The following RBFOX1 variants were observed in gnomAD, a reference collection of about 807,000 sequenced individuals.
RBFOX1 encodes RNA binding fox-1 homolog 1.
RBFOX1 carries 8 observed loss-of-function variants against 57.7 expected under a neutral mutation model. The observed-to-expected ratio is 0.14, with a 90% CI of 0.08 to 0.25. The LOEUF is 0.25. RBFOX1 is among the 10% of genes least tolerant of loss of function. The pLI is 1.00. For missense variants in RBFOX1, 611 were observed against 548.5 expected (o/e 1.11, Z -1.14); for synonymous variants, 326 against 222.4 (o/e 1.47, Z -4.15).
chr16:5,484,026 CTGGGCA>C (rs1455928631), intron 2 of RBFOX1, among the ~76,000 whole-genome samples: 1 of 152,118 alleles, frequency 6.6e-6, no homozygotes, highest in African/African-American at 2.4e-5. Flanking sequence ...AAATAAACAG[CTGGGCA>C]TGGTGGTGTG....
intron 4 of RBFOX1, among the ~76,000 whole-genome samples, chr16:7,290,248 C>G (rs2095741516): frequency 6.6e-6 from 1 of 152,116 alleles, no homozygotes; most frequent in African/African-American, 2.4e-5. Context: ...TTGATGAACA[C>G]CAATATTTGA....
At chr16:6,302,536 T>A (rs2078937520) in intron 1 of RBFOX1, among the ~76,000 whole-genome samples, 1 of 152,212 alleles carries the variant, frequency 6.6e-6, no homozygotes. Flanking sequence ...GAATGTGTCA[T>A]ACTGAGAGGC....
At chr16:6,343,660 A>C (rs1476857482) in intron 2 of RBFOX1, among the ~76,000 whole-genome samples, 3 of 152,334 alleles carry the variant, frequency 2.0e-5, no homozygotes, top group African/African-American at 7.2e-5. Context: ...GTTTTTAAAA[A>C]GTGTTTTTTG....
At chr16:5,801,967 G>T (rs113459653) in intron 3 of RBFOX1, among the ~76,000 whole-genome samples, 1 of 152,126 alleles carries the variant, frequency 6.6e-6, no homozygotes, top group African/African-American at 2.4e-5. Context: ...GTGCTTTTCT[G>T]CTGGGGCCAT....
chr16:5,717,349 TA>T lies in RBFOX1; in HGVS notation c.318+118397del, dbSNP rs552536936. ...CTATCTTTTTTTCTTAATACAGATTTAAAAAAAAATGTTTACTTTCAATAGT... is the reference window on the plus strand; with the variant it reads ...CTATCTTTTTTTCTTAATACAGATTTAAAAAAAATGTTTACTTTCAATAGT... On this transcript the variant is annotated intron_variant, in intron 3 of 19. Transcript: ENST00000641259. Among the ~76,000 whole-genome samples the T allele has an allele frequency of 5.2e-3, 784 of 151,678 alleles. 3 individuals are homozygous for T. Among genetic ancestry groups the T allele is most frequent in the Non-Finnish European group, 7.5e-3 (507 of 67,876 alleles).
intron 1 of RBFOX1, among the ~76,000 whole-genome samples, chr16:5,276,586 C>G (rs765660243): frequency 2.8e-4 from 43 of 152,170 alleles, no homozygotes; most frequent in Non-Finnish European, 5.9e-4. Flanking sequence ...AGTTTGAGAC[C>G]AGCCTGACTA....
intron 2 of RBFOX1, among the ~76,000 whole-genome samples, chr16:6,445,873 G>C (rs149738434): frequency 6.6e-6 from 1 of 151,356 alleles, no homozygotes; most frequent in African/African-American, 2.4e-5. Flanking sequence ...GAGCCACTGC[G>C]CCCGGCCATC....
At chr16:5,426,218 GT>G (rs2067554190) in intron 1 of RBFOX1, among the ~76,000 whole-genome samples, 1 of 152,174 alleles carries the variant, frequency 6.6e-6, no homozygotes, top group South Asian at 2.1e-4. Flanking sequence ...CTTGTGTGGA[GT>G]GGTCCCACTC....
chr16:7,667,681 T>TTC (rs2145856903), intron 13 of RBFOX1, among the ~76,000 whole-genome samples: 1 of 151,706 alleles, frequency 6.6e-6, no homozygotes, highest in South Asian at 2.1e-4. Context: ...AAACCTCTTT[T>TTC]TGTTATTATT....
chr16:6,259,687 G>C (rs1296201784), intron 1 of RBFOX1, among the ~76,000 whole-genome samples: 2 of 152,252 alleles, frequency 1.3e-5, no homozygotes, highest in East Asian at 1.9e-4. Context: ...GCCGGGTGCA[G>C]TGGCTTATGC....
At chr16:5,881,062 G>C (rs1028737291) in intron 4 of RBFOX1, among the ~76,000 whole-genome samples, 1 of 152,168 alleles carries the variant, frequency 6.6e-6, no homozygotes, top group South Asian at 2.1e-4. Flanking sequence ...TATTTAAAGG[G>C]AGTGCTAGAT....
chr16:5,673,995 C>T (rs529584180), intron 3 of RBFOX1, among the ~76,000 whole-genome samples: 1 of 152,200 alleles, frequency 6.6e-6, no homozygotes, highest in African/African-American at 2.4e-5. Context: ...ACAAGTGCTT[C>T]TGTGTGTGAC....
At position 7,584,866 on chromosome 16, in the gene RBFOX1, G is replaced by A. The variant is rs181175737; in HGVS notation, c.415-2381G>A. Among the ~76,000 whole-genome samples, 51 of 152,210 alleles carry A rather than the reference G, an allele frequency of 3.4e-4. 1 individual carries two copies. The highest frequency in any genetic ancestry group is 1.0e-3 in the African/African-American group (43 of 41,526). ...GCTTGTTTCACCGGCTTTGAGAACC[G>A]TCAACCTAACAGCAACTGCCACAGA... On this transcript the variant is annotated intron_variant, in intron 6 of 15. Coordinates refer to ENST00000550418, the MANE Select transcript of RBFOX1 (RefSeq NM_018723.4).
intron 4 of RBFOX1, among the ~76,000 whole-genome samples, chr16:7,502,404 T>A (rs1466284255): frequency 1.3e-5 from 2 of 152,180 alleles, no homozygotes; most frequent in Non-Finnish European, 2.9e-5. Flanking sequence ...GATGCTTGGC[T>A]TTGTGCATTC....
chr16:5,331,276 C>T (rs1188384913), intron 1 of RBFOX1, among the ~76,000 whole-genome samples: 2 of 152,194 alleles, frequency 1.3e-5, no homozygotes, highest in African/African-American at 4.8e-5. Context: ...TCATGTATCT[C>T]ACGTGCTTTG....
At chr16:7,262,344 T>C (rs928861015) in intron 4 of RBFOX1, among the ~76,000 whole-genome samples, 2 of 151,918 alleles carry the variant, frequency 1.3e-5, no homozygotes, top group African/African-American at 2.4e-5. Context: ...GGAAAACCAA[T>C]CATGTACTTT....
At chr16:6,485,281 G>A (rs1370330198) in intron 2 of RBFOX1, among the ~76,000 whole-genome samples, 1 of 152,182 alleles carries the variant, frequency 6.6e-6, no homozygotes, top group Non-Finnish European at 1.5e-5. Context: ...AGGTTATGAA[G>A]AGGGAATTGT....
chr16:6,556,506 C>G (rs572379866), intron 2 of RBFOX1, among the ~76,000 whole-genome samples: 17 of 152,272 alleles, frequency 1.1e-4, no homozygotes, highest in African/African-American at 4.1e-4. Context: ...AGGAAGTCCA[C>G]GGCGCATTAA....
chr16:6,293,604 G>A (rs2077704230), intron 1 of RBFOX1, among the ~76,000 whole-genome samples: 1 of 152,150 alleles, frequency 6.6e-6, no homozygotes, highest in African/African-American at 2.4e-5. Context: ...ATGATTATGT[G>A]ATACCTTATG....
Sources: gnomAD v4.1 joint callset for allele counts (sites outside exome capture counted in the v4.1 genomes callset) on GRCh38, gnomAD v4.1.1 for gene constraint, MANE v1.5 for transcripts, NCBI Gene and HGNC (gene_info 2026-07-23, HGNC 2026-07-21) for gene names.